The following SRSF5 variants were observed in gnomAD, a reference collection of about 807,000 sequenced individuals.
SRSF5 encodes serine and arginine rich splicing factor 5, also known as serine/arginine-rich splicing factor 5.
Under a neutral mutation model 34.0 loss-of-function variants are expected in SRSF5, and 5 were observed. The ratio of observed to expected loss-of-function variants is 0.15; its 90% confidence interval spans 0.08 to 0.31. The LOEUF is 0.31. SRSF5 is among the 10% of genes least tolerant of loss of function. SRSF5 has a pLI of 1.00. For synonymous variants in SRSF5, 164 were observed against 117.7 expected (o/e 1.39, Z -2.55); for missense variants, 223 against 351.4 (o/e 0.63, Z 2.92).
chr14:69,768,563 C>G (rs761184350), intron 2 of SRSF5, 41 bp from the exon 3 acceptor site: 2 of 1,583,964 alleles, frequency 1.3e-6, no homozygotes, highest in East Asian at 4.5e-5. Flanking sequence ...GTAGAATACT[C>G]TTCTAAAGCC....
At chr14:69,768,327 T>G (rs771330130) in intron 2 of SRSF5, 45 bp downstream of exon 2, 3 of 1,607,402 alleles carry the variant, frequency 1.9e-6, no homozygotes, top group Non-Finnish European at 2.6e-6. Context: ...GTAGGTAGAG[T>G]TTTGATAAGC....
chr14:69,768,556 G>C, intron 2 of SRSF5, 48 bp from the exon 3 acceptor site: 3 of 1,555,262 alleles, frequency 1.9e-6, no homozygotes, highest in Non-Finnish European at 2.7e-6. Flanking sequence ...ATGTGTTGTA[G>C]AATACTCTTC....
Position 69,768,156 on chromosome 14 carries a change from C to T in SRSF5, c.-1C>T, listed in dbSNP as rs756853744. 7 of 1,614,050 alleles carry T rather than the reference C, an allele frequency of 4.3e-6. No individual in the cohort carries two copies. The African/African-American group carries it at 6.7e-5, about 15-fold the overall frequency. ...CTAATAGGAAGTACTAGCCGGACAT[C>T]ATGAGTGGCTGTCGGGTATTCATCG... On this transcript the variant is annotated 5_prime_UTR_variant, in exon 2 of 8. Transcript: ENST00000557154.
chr14:69,768,034 A>G, intron 1 of SRSF5, 104 bp from the exon 2 acceptor site: 1 of 1,327,486 alleles, frequency 7.5e-7, no homozygotes, highest in Non-Finnish European at 1.0e-6. Flanking sequence ...CGTTCATAAC[A>G]TCACTGTGTA....
rs1882794225 is a variant in SRSF5, at chr14:69,768,375, C to T, written c.126+93C>T. 8.4e-6 allele frequency: 13 copies of T among 1,545,020 alleles called. No homozygotes were observed. In the Admixed American group the frequency reaches 1.8e-4, roughly 22 times the overall value. On this transcript the variant is annotated intron_variant, in intron 2 of 7. Transcript: ENST00000557154. ...TCTTGAGTCCGGGTGGAATATTTGC[C>T]TTCAGAAAATGTTACCCAGCCTTAT...
chr14:69,768,936 A>G, intron 4 of SRSF5, 40 bp downstream of exon 4: 1 of 1,585,180 alleles, frequency 6.3e-7, no homozygotes, highest in Non-Finnish European at 8.7e-7. Context: ...CAATTATTGT[A>G]GGGGTAGCAT....
At chr14:69,770,116 TAAAA>T (rs1410290940) in intron 5 of SRSF5, 14 of 1,036,732 alleles carry the variant, frequency 1.4e-5, no homozygotes, top group East Asian at 8.5e-5. Flanking sequence ...TTTTTTTAAA[TAAAA>T]CTTCTCTACT....
rs1175669307 is a variant in SRSF5, at chr14:69,768,461, C to T, written c.127-143C>T. On this transcript the variant is annotated intron_variant, in intron 2 of 7. Coordinates refer to ENST00000557154, the MANE Select transcript of SRSF5 (RefSeq NM_001320214.2). Reference sequence around the variant, plus strand: ...TTGCCGGCTCACTGGAACCCCACTCCCAGTGGCTCCTTGATTAGGTTTGAC... The same window carrying T: ...TTGCCGGCTCACTGGAACCCCACTCTCAGTGGCTCCTTGATTAGGTTTGAC... The T allele has an allele frequency of 5.0e-6, 6 of 1,190,150 alleles. No individual in the cohort carries two copies. In the Admixed American group the frequency reaches 8.2e-5, roughly 16 times the overall value. The allele number at this position is 1,190,150 out of a possible 1,614,324, so 73.7% of individuals were successfully genotyped here.
chr14:69,769,408 T>C, intron 5 of SRSF5, 157 bp downstream of exon 5: 1 of 1,510,352 alleles, frequency 6.6e-7, no homozygotes. Context: ...TTGGGGGATA[T>C]TTTGAACTTT....
intron 1 of SRSF5, chr14:69,767,930 G>C: frequency 1.9e-6 from 1 of 525,746 alleles, no homozygotes; most frequent in Non-Finnish European, 3.4e-6. Context: ...GGTTGCTGCG[G>C]TCTGGGCCCA....
intron 1 of SRSF5, chr14:69,767,850 A>G (rs542700622): frequency 1.6e-4 from 62 of 383,840 alleles, no homozygotes; most frequent in Non-Finnish European, 2.8e-4. Context: ...TAACTGCGGC[A>G]GATGGGAGGG....
rs1882830943 is a variant in SRSF5, at chr14:69,768,637, G to A, written c.160G>A (p.Val54Met). ...FEDPRDADDA[V>M]YELDGKELCS... ...GGATCCAAGGGATGCAGATGATGCT[G>A]TGTATGAGCTTGATGGAAAAGAACT... Residue 54 changes from valine (V) to methionine (M), a missense_variant, in exon 3 of 8, where the codon GTG becomes ATG. Around this residue, in one of 4 missense-constraint regions of SRSF5, gnomAD observed 27 missense variants for 90.7 expected, o/e 0.30. Transcript: ENST00000557154. 6.2e-7 allele frequency: 1 copy of A among 1,614,106 alleles called. No homozygotes were observed. Among genetic ancestry groups the A allele is most frequent in the South Asian group, 1.1e-5 (1 of 91,090 alleles).
At chr14:69,768,984 T>C (rs1058081) in intron 4 of SRSF5, 88 bp downstream of exon 4, 1 of 1,417,110 alleles carries the variant, frequency 7.1e-7, no homozygotes, top group Non-Finnish European at 9.9e-7. Context: ...TGATTTTGGG[T>C]CCTGCCGTAT....
Position 69,769,171 on chromosome 14 carries a change from T to G in SRSF5, c.297-11T>G. ...ATTTCTTCCATTGTGAATACGAATT[T>G]TCTTCCTCAGAAATGCTCCACCTGT... On this transcript the variant is annotated splice_polypyrimidine_tract_variant and intron_variant, in intron 4 of 7. Transcript: ENST00000557154. 1 of 1,614,202 alleles carries G rather than the reference T, an allele frequency of 6.2e-7. No homozygotes were observed. Among genetic ancestry groups the G allele is most frequent in the Non-Finnish European group, 8.5e-7 (1 of 1,180,018 alleles).
chr14:69,768,087 T>TTTC (rs1882753152), intron 1 of SRSF5, 51 bp from the exon 2 acceptor site: 2 of 1,596,768 alleles, frequency 1.3e-6, no homozygotes, highest in South Asian at 2.2e-5. Context: ...TAATCAGGCG[T>TTTC]TTCTCTGTGA....
rs967265812 is a variant in SRSF5, at chr14:69,771,377, A to G, written c.735A>G (p.Ser245=). The change falls in exon 8 of 8, where the codon TCA becomes TCG. Residue 245 remains serine, a synonymous_variant. Coordinates refer to ENST00000557154, the MANE Select transcript of SRSF5 (RefSeq NM_001320214.2). ...VPEKSQKRGS[S]SRSKSPASVD... ...AGAAGAGCCAGAAACGTGGTTCTTC[A>G]AGTAGATCTAAGTCTCCAGCATCTG... The G allele has an allele frequency of 1.2e-6, 2 of 1,614,238 alleles. No individual in the cohort carries two copies. Among genetic ancestry groups the G allele is most frequent in the Non-Finnish European group, 1.7e-6 (2 of 1,180,040 alleles).
intron 1 of SRSF5, chr14:69,767,505 T>C: frequency 2.2e-6 from 1 of 455,992 alleles, no homozygotes; most frequent in South Asian, 1.5e-5. Flanking sequence ...TCTTAATGTC[T>C]TCATCTCCTG....
intron 7 of SRSF5, 32 bp downstream of exon 7, chr14:69,771,137 A>T: frequency 1.2e-6 from 2 of 1,613,072 alleles, no homozygotes; most frequent in Middle Eastern, 3.3e-4. Flanking sequence ...CAAAAGTTGT[A>T]TTTAATGGGT....
Position 69,771,096 on chromosome 14 carries a change from A to G in SRSF5, c.542A>G (p.Lys181Arg), listed in dbSNP as rs1181240884. The change falls in exon 7 of 8, where the codon AAA becomes AGA. Residue 181 changes from lysine (K) to arginine (R), a missense_variant. Coordinates refer to ENST00000557154, the MANE Select transcript of SRSF5 (RefSeq NM_001320214.2). ...GRKIKLIEGS[K>R]RHSRSRSRSR... ...AAAATAAAATTAATTGAAGGCAGCA[A>G]AAGGCACAGGTATCTCTAATTTTTT... The G allele has an allele frequency of 6.2e-7, 1 of 1,613,994 alleles. No individual in the cohort carries two copies. The highest frequency in any genetic ancestry group is 1.7e-5 in the Admixed American group (1 of 59,960).
Sources: gnomAD v4.1 joint callset for allele counts on GRCh38, gnomAD v4.1.1 for gene constraint, gnomAD v4.1.1 regional missense constraint, MANE v1.5 for transcripts, NCBI Gene and HGNC (gene_info 2026-07-23, HGNC 2026-07-21) for gene names.